Variants in LAMB1 observed in about 807,000 individuals in gnomAD.
The protein encoded by LAMB1 is laminin subunit beta 1, also known as laminin subunit beta-1.
A neutral mutation model predicts 222.3 loss-of-function variants in LAMB1; 121 were observed. That is an observed-to-expected ratio of 0.54 (90% CI 0.47 to 0.63). LAMB1 has a LOEUF of 0.63. Among genes scored for constraint, LAMB1 ranks in the 30% least tolerant of loss-of-function variants. The probability of loss-of-function intolerance (pLI) is 0.00; values close to 1 mark genes in which losing one functional copy is unlikely to be tolerated. For missense variants in LAMB1, 2,172 were observed against 2,240.8 expected (o/e 0.97, Z 0.62); for synonymous variants, 794 against 807.2 (o/e 0.98, Z 0.28).
rs201332973 is a variant in LAMB1 at position 107,975,273 on chromosome 7, A to G, written c.1330T>C (p.Phe444Leu). The G allele has an allele frequency of 2.0e-5, 32 of 1,614,110 alleles. No homozygotes were observed. Among genetic ancestry groups the G allele is most frequent in the Non-Finnish European group, 2.5e-5 (30 of 1,179,990 alleles). ...GGATCTTCACTGCTTAAATCATAGA[A>G]GCCTTCTTTGCAAACATCACAATGT... ...GEHCDVCKEGFYDLSSEDPFG... is the reference protein window; with the variant it reads ...GEHCDVCKEGLYDLSSEDPFG... The change falls in exon 11 of 34, where the codon TTC becomes CTC. Residue 444 changes from phenylalanine (F) to leucine (L), a missense_variant. Coordinates refer to ENST00000222399, the MANE Select transcript of LAMB1 (RefSeq NM_002291.3).
At position 107,986,064 on chromosome 7, in the gene LAMB1, G is replaced by A; in HGVS notation, c.634C>T (p.Pro212Ser). ...TAAGGATCTTCTATTTTGAAAGCAG[G>A]ATCTAAAGCACGAAATATCACCTAA... ...EGEVIFRALDPAFKIEDPYSP... is the reference protein window; with the variant it reads ...EGEVIFRALDSAFKIEDPYSP... Residue 212 changes from proline to serine, a missense_variant, in exon 7 of 34, where the codon CCT (proline) becomes TCT (serine). Transcript: ENST00000222399. 2.5e-6 allele frequency: 4 copies of A among 1,612,262 alleles called. No homozygotes were observed. The highest frequency in any genetic ancestry group is 3.4e-6 in the Non-Finnish European group (4 of 1,178,322).
chr7:107,972,431 G>A (rs1003984121), intron 13 of LAMB1, among the ~76,000 whole-genome samples: 2 of 152,106 alleles, frequency 1.3e-5, no homozygotes, highest in Non-Finnish European at 2.9e-5. Context: ...TCTTTGACTC[G>A]AAGGTGGTTA....
At chr7:107,999,965 C>T (rs2034352350) in intron 3 of LAMB1, 1 of 152,026 alleles carries the variant, frequency 6.6e-6, no homozygotes, top group Admixed American at 6.6e-5. Flanking sequence ...TAGAAATCAT[C>T]ACTGAGAGGA....
rs370325523 is a variant in LAMB1, at chr7:107,986,232, G to A, written c.555C>T (p.Val185=). 3 of 1,614,108 alleles carry A rather than the reference G, an allele frequency of 1.9e-6. No individual in the cohort carries two copies. Among genetic ancestry groups the A allele is most frequent in the Non-Finnish European group, 2.5e-6 (3 of 1,180,002 alleles). ...PGISTGPMKK[V]DDIICDSRYS... The stretch of plus-strand genomic sequence containing the variant: ...ATCGAGAATCACAAATTATGTCATC[G>A]ACTTTTTTCATGGGGCCAGTTGAAA... Residue 185 remains valine (V), a synonymous_variant, in exon 6 of 34, where the codon GTC becomes GTT. Transcript: ENST00000222399.
At chr7:107,957,492 G>A (rs1161965871) in intron 20 of LAMB1, among the ~76,000 whole-genome samples, 5 of 152,236 alleles carry the variant, frequency 3.3e-5, no homozygotes, top group Non-Finnish European at 5.9e-5. Context: ...AGGTTGCAGT[G>A]AGCTGAGATT....
chr7:107,980,763 G>C lies in LAMB1; in HGVS notation c.725C>G (p.Thr242Ser). 1 of 1,612,344 alleles carries C rather than the reference G, an allele frequency of 6.2e-7. No homozygotes were observed. Residue 242 changes from threonine to serine, a missense_variant, in exon 8 of 34, where the codon ACT becomes AGT. Physicochemically the swap from Thr to Ser is moderately conservative, Grantham distance 58. Coordinates refer to ENST00000222399, the MANE Select transcript of LAMB1 (RefSeq NM_002291.3). ...GGAATCCAGAAGGTTATCTCCCAAA[G>C]TATGCAGTTTCACAAACTTGATTCT... Reference protein sequence around the residue: ...NLRIKFVKLHTLGDNLLDSRM... With the variant: ...NLRIKFVKLHSLGDNLLDSRM...
intron 2 of LAMB1, 131 bp downstream of exon 2, chr7:108,002,718 C>T: frequency 7.7e-7 from 1 of 1,295,768 alleles, no homozygotes; most frequent in Non-Finnish European, 1.1e-6. Context: ...CGTTTAATCC[C>T]AGGGGCGTCA....
At chr7:107,927,445 A>G (rs1445229727) in intron 31 of LAMB1, among the ~76,000 whole-genome samples, 2 of 152,046 alleles carry the variant, frequency 1.3e-5, no homozygotes, top group African/African-American at 4.8e-5. Context: ...TTTCAGAACA[A>G]TTTTTTTCAA....
chr7:107,933,214 C>T (rs1052298474), intron 27 of LAMB1, among the ~76,000 whole-genome samples: 2 of 152,042 alleles, frequency 1.3e-5, no homozygotes, highest in African/African-American at 2.4e-5. Context: ...AAAGGCTGAG[C>T]AGGGAGAAAA....
chr7:107,943,730 G>A (rs774538673), intron 24 of LAMB1, among the ~76,000 whole-genome samples: 8 of 152,010 alleles, frequency 5.3e-5, no homozygotes, highest in Non-Finnish European at 8.8e-5. Flanking sequence ...ACAGTCACGC[G>A]ACCCCGTTTT....
chr7:107,973,042 C>A lies in LAMB1; in HGVS notation c.1512G>T (p.Leu504Phe), dbSNP rs1209839118. The A allele has an allele frequency of 2.5e-6, 4 of 1,613,852 alleles. No individual in the cohort carries two copies. The highest frequency in any genetic ancestry group is 3.4e-6 in the Non-Finnish European group (4 of 1,179,880). ...LPEHWGLSND[L>F]DGCRPCDCDL... ...CACAGTCACATGGTCGACATCCATC[C>A]AAATCATTGCTTAAGCCCCAGTGCT... Residue 504 changes from leucine (L) to phenylalanine (F), a missense_variant, in exon 13 of 34, where the codon TTG (leucine) becomes TTT (phenylalanine). By Grantham distance (22) the Leu-to-Phe change is conservative. Transcript: ENST00000222399.
At chr7:107,949,444 GC>G (rs1243330342) in intron 24 of LAMB1, among the ~76,000 whole-genome samples, 1 of 152,192 alleles carries the variant, frequency 6.6e-6, no homozygotes, top group Non-Finnish European at 1.5e-5. Context: ...AAAAAATCAA[GC>G]CTTGGGGCAT....
chr7:107,956,324 T>A (rs1447300444), intron 20 of LAMB1, among the ~76,000 whole-genome samples: 1 of 152,256 alleles, frequency 6.6e-6, no homozygotes, highest in Non-Finnish European at 1.5e-5. Context: ...ATGGGAACAG[T>A]GGTTCTCAAA....
chr7:107,939,388 T>C (rs551697569), intron 25 of LAMB1, among the ~76,000 whole-genome samples: 2 of 152,246 alleles, frequency 1.3e-5, no homozygotes, highest in African/African-American at 2.4e-5. Context: ...GCAGCTGTTA[T>C]AACTAGATGA....
At chr7:107,964,846 A>G (rs930421565) in intron 13 of LAMB1, among the ~76,000 whole-genome samples, 159 bp from the exon 14 acceptor site, 2 of 152,168 alleles carry the variant, frequency 1.3e-5, no homozygotes, top group African/African-American at 4.8e-5. Flanking sequence ...AGTAGTGCCT[A>G]TGGATTAATC....
At chr7:107,957,030 C>CA (rs1350534367) in intron 20 of LAMB1, among the ~76,000 whole-genome samples, 2 of 152,192 alleles carry the variant, frequency 1.3e-5, no homozygotes, top group East Asian at 1.9e-4. Flanking sequence ...TTATGTCCTA[C>CA]AACATAACAT....
intron 17 of LAMB1, 44 bp downstream of exon 17, chr7:107,961,162 C>T (rs773970470): frequency 1.1e-5 from 18 of 1,611,922 alleles, no homozygotes; most frequent in East Asian, 1.1e-4. Context: ...GGGCACTTTC[C>T]GCCCAGGCTT....
At chr7:107,926,434 G>C (rs998441965) in intron 31 of LAMB1, 75 bp from the exon 32 acceptor site, 10 of 1,268,814 alleles carry the variant, frequency 7.9e-6, no homozygotes, top group Non-Finnish European at 1.1e-5. Context: ...TTTGGAGGAA[G>C]ATTTAAAAGT....
intron 3 of LAMB1, among the ~76,000 whole-genome samples, chr7:107,998,802 C>T (rs2034327374): frequency 6.6e-6 from 1 of 152,162 alleles, no homozygotes; most frequent in Non-Finnish European, 1.5e-5. Flanking sequence ...TCTCAATAAA[C>T]AGCTAGAGAA....
Sources: allele counts gnomAD v4.1 joint callset (sites outside exome capture counted in the v4.1 genomes callset), GRCh38; gene constraint gnomAD v4.1.1; transcripts MANE v1.5; gene names NCBI Gene and HGNC (gene_info 2026-07-23, HGNC 2026-07-21).